TP53I11: variants seen among roughly 807,000 people sequenced by gnomAD.
The protein encoded by TP53I11 is tumor protein p53 inducible protein 11.
In TP53I11, 9 loss-of-function variants were observed where a neutral mutation model predicts 23.3. The ratio of observed to expected loss-of-function variants is 0.39; its 90% CI spans 0.23 to 0.67. TP53I11 has a LOEUF of 0.67. TP53I11 is among the 30% of genes least tolerant of loss of function. TP53I11 has a pLI of 0.48. For missense variants in TP53I11, 170 were observed against 255.2 expected, an observed-to-expected ratio of 0.67 and a Z score of 2.27; for synonymous variants, 100 against 106.1, an observed-to-expected ratio of 0.94 and a Z score of 0.35.
intron 1 of TP53I11, among the ~76,000 whole-genome samples, 169 bp downstream of exon 1, chr11:44,950,508 A>T (rs1400301107): frequency 6.6e-6 from 1 of 151,810 alleles, no homozygotes; most frequent in Admixed American, 6.6e-5. Flanking sequence ...CAGCGGGCTC[A>T]GCGGGTGCCG....
intron 1 of TP53I11, among the ~76,000 whole-genome samples, chr11:44,949,064 C>CCA: frequency 6.6e-6 from 1 of 152,332 alleles, no homozygotes; most frequent in East Asian, 1.9e-4. Flanking sequence ...TGGCAGGGGC[C>CCA]TCCTGGGATG....
At position 44,935,319 on chromosome 11, in the gene TP53I11, G is replaced by GGC. The variant is rs562739323; in HGVS notation, c.436+241_436+242insGC. On this transcript the variant is annotated intron_variant, in intron 6 of 6. Transcript: ENST00000525680. ...GTGGGGGGGCCGCAGGTACATGTGTGTGCAAGGCCATAGATACAAGTGTGT... is the reference window on the plus strand; with the variant it reads ...GTGGGGGGGCCGCAGGTACATGTGTGGCTGCAAGGCCATAGATACAAGTGTGT... 5.7e-3 allele frequency among the ~76,000 whole-genome samples: 865 copies of GGC among 152,296 alleles called. 4 individuals carry two copies. Among genetic ancestry groups the GGC allele is most frequent in the African/African-American group, 0.02 (834 of 41,548 alleles).
At chr11:44,935,743 C>A in intron 5 of TP53I11, 81 bp from the exon 6 acceptor site, 1 of 962,346 alleles carries the variant, frequency 1.0e-6, no homozygotes, top group Non-Finnish European at 1.6e-6. Flanking sequence ...CTCCTGCTTC[C>A]TCTGGCCACT....
chr11:44,935,464 G>C, intron 6 of TP53I11, 97 bp downstream of exon 6: 1 of 1,140,936 alleles, frequency 8.8e-7, no homozygotes, highest in Non-Finnish European at 1.3e-6. Context: ...CCCACAGACA[G>C]GTTTTCATCA....
At chr11:44,939,749 G>A (rs1015239702) in intron 1 of TP53I11, among the ~76,000 whole-genome samples, 3 of 152,244 alleles carry the variant, frequency 2.0e-5, no homozygotes, top group African/African-American at 4.8e-5. Flanking sequence ...AACTGCAAAA[G>A]TTGCTATTGG....
chr11:44,949,393 AGTTT>A (rs1448687605), intron 1 of TP53I11, among the ~76,000 whole-genome samples: 1 of 151,974 alleles, frequency 6.6e-6, no homozygotes, highest in Non-Finnish European at 1.5e-5. Context: ...CCCGTCAAGA[AGTTT>A]GTTTGAAAGA....
At chr11:44,942,271 A>G (rs1192872445) in intron 1 of TP53I11, among the ~76,000 whole-genome samples, 1 of 132,850 alleles carries the variant, frequency 7.5e-6, no homozygotes, top group African/African-American at 2.7e-5. Context: ...CACACCCACC[A>G]CACACATCAC....
rs74897554 is a variant in TP53I11, at chr11:44,934,727, T to G, written c.*157A>C. 15,942 of 974,994 alleles carry G rather than the reference T, an allele frequency of 0.016. 1,708 individuals are homozygous for G. The African/African-American group carries it at 0.23, about 14-fold the overall frequency. The allele number at this position is 974,994 out of a possible 1,614,324, so 60.4% of individuals were successfully genotyped here. ...GCCCAGGAGATCACAGCACACGGGG[T>G]GCCCAGGAGGAAAGGAAGGCCCCCC... is the stretch of plus-strand genomic sequence containing the variant. On this transcript the variant is annotated 3_prime_UTR_variant, in exon 7 of 7. Transcript: ENST00000525680.
chr11:44,947,583 A>G (rs920320636), intron 1 of TP53I11, among the ~76,000 whole-genome samples: 7 of 152,358 alleles, frequency 4.6e-5, no homozygotes, highest in Admixed American at 4.6e-4. Context: ...TGGGGGAGGC[A>G]GGTGGAAGGG....
At chr11:44,946,500 G>A (rs1027040844) in intron 1 of TP53I11, among the ~76,000 whole-genome samples, 4 of 152,260 alleles carry the variant, frequency 2.6e-5, no homozygotes, top group African/African-American at 4.8e-5. Flanking sequence ...AGGACAGAGC[G>A]GAACTGGCCG....
intron 1 of TP53I11, chr11:44,949,993 C>G (rs561789041): frequency 1.3e-5 from 2 of 152,448 alleles, no homozygotes; most frequent in African/African-American, 4.8e-5. Context: ...AGACCCAGGC[C>G]TCAGCGCCGG....
chr11:44,935,634 G>A lies in TP53I11; in HGVS notation c.363C>T (p.Leu121=), dbSNP rs759688712. Residue 121 remains leucine (L), a synonymous_variant, in exon 6 of 7, where the codon CTC becomes CTT. Transcript: ENST00000525680. ...GAATGATGACCTTCTCAGCCGTGTAGAGAGCGTTCCACATGATCAGGGAGA... is the reference window on the plus strand; with the variant it reads ...GAATGATGACCTTCTCAGCCGTGTAAAGAGCGTTCCACATGATCAGGGAGA... The part of the protein sequence containing the change: ...LSISLIMWNA[L]YTAEKVIIRW... 3.4e-5 allele frequency: 55 copies of A among 1,606,764 alleles called. No homozygotes were observed. The highest frequency in any genetic ancestry group is 3.8e-5 in the Non-Finnish European group (45 of 1,175,884).
At chr11:44,950,951 C>A (rs1409013783), upstream of TP53I11, 1 of 151,872 alleles carries the variant, frequency 6.6e-6, no homozygotes. Context: ...CCCTCCCACG[C>A]GCCGGGCTGC....
chr11:44,939,604 G>A (rs530747166), intron 1 of TP53I11, among the ~76,000 whole-genome samples: 1 of 152,290 alleles, frequency 6.6e-6, no homozygotes, highest in African/African-American at 2.4e-5. Flanking sequence ...TCCCATTTTT[G>A]AGCCTCCTGG....
rs138011563 is a variant in TP53I11, at chr11:44,950,724, G to A, written c.-79C>T. The A allele has an allele frequency of 5.6e-3, 851 of 153,216 alleles. 2 individuals carry two copies. The highest frequency in any genetic ancestry group is 0.02 in the Middle Eastern group (6 of 300). The allele number at this position is 153,216 out of a possible 1,614,324, so 9.5% of individuals were successfully genotyped here. On this transcript the variant is annotated 5_prime_UTR_variant, in exon 1 of 7. Transcript: ENST00000525680. The stretch of plus-strand genomic sequence containing the variant: ...GGGCTACGTGGAGCTGATGCCAGGC[G>A]GAGGCTCCGGGCTCGGACGCCTCAC...
chr11:44,948,692 C>T (rs1030210932), intron 1 of TP53I11, among the ~76,000 whole-genome samples: 1 of 152,238 alleles, frequency 6.6e-6, no homozygotes, highest in African/African-American at 2.4e-5. Flanking sequence ...GCTCCATAAG[C>T]CATTTTTGGT....
rs1860770708 is a variant in TP53I11, at chr11:44,933,537, T to A, written c.*1347A>T. The stretch of plus-strand genomic sequence containing the variant: ...GACTAACGGGGTGTACAGCACAGGC[T>A]GGTGGGCCCTCAGGGAGAAGCTGGG... On this transcript the variant is annotated 3_prime_UTR_variant, in exon 7 of 7. Coordinates refer to ENST00000525680, the MANE Select transcript of TP53I11 (RefSeq NM_006034.5). 1.3e-5 allele frequency: 2 copies of A among 155,150 alleles called. No individual in the cohort carries two copies. The highest frequency in any genetic ancestry group is 6.5e-5 in the Admixed American group (1 of 15,268). The allele number at this position is 155,150 out of a possible 1,614,324, so 9.6% of individuals were successfully genotyped here. A position where few individuals can be genotyped will look rare whatever the true frequency, so the allele number is the denominator to read the frequency against.
At chr11:44,942,816 C>T (rs190811518) in intron 1 of TP53I11, among the ~76,000 whole-genome samples, 1 of 152,222 alleles carries the variant, frequency 6.6e-6, no homozygotes, top group Non-Finnish European at 1.5e-5. Context: ...AACGGCGCTC[C>T]ACCCCTACTT....
Position 44,934,696 on chromosome 11 carries a change from C to T in TP53I11, c.*188G>A. The T allele has an allele frequency of 1.3e-6, 1 of 744,608 alleles. No homozygotes were observed. The highest frequency in any genetic ancestry group is 2.1e-6 in the Non-Finnish European group (1 of 472,266). 46.1% of individuals were successfully genotyped at this position (744,608 alleles called of 1,614,324 possible). ...CTCTCCCCAGACCAGCATGTCAAGC[C>T]TGAAAGCCCAGGAGATCACAGCACA... On this transcript the variant is annotated 3_prime_UTR_variant, in exon 7 of 7. Coordinates refer to ENST00000525680, the MANE Select transcript of TP53I11 (RefSeq NM_006034.5).
Sources: allele counts gnomAD v4.1 joint callset (sites outside exome capture counted in the v4.1 genomes callset), GRCh38; gene constraint gnomAD v4.1.1; transcripts MANE v1.5; gene names NCBI Gene and HGNC (gene_info 2026-07-23, HGNC 2026-07-21).